KLRG1: variants seen among roughly 807,000 people sequenced by gnomAD.
KLRG1 encodes the protein killer cell lectin like receptor G1, also known as killer cell lectin-like receptor subfamily G member 1.
A neutral mutation model predicts 21.8 loss-of-function variants in KLRG1; 16 were observed. The ratio of observed to expected loss-of-function variants is 0.73; its 90% confidence interval spans 0.50 to 1.11. KLRG1 has a LOEUF of 1.11. Ranked by LOEUF, KLRG1 falls within the 50% of genes most tolerant of loss-of-function variation. The probability of loss-of-function intolerance (pLI) is 0.00; values close to 1 mark genes in which losing one functional copy is unlikely to be tolerated. For synonymous variants in KLRG1, 69 were observed against 75.9 expected (o/e 0.91, Z 0.47); for missense variants, 173 against 218.3 (o/e 0.79, Z 1.31).
chr12:9,197,532 ATTAT>A, the KLRG1 span, among the ~76,000 whole-genome samples: 1 of 124,752 alleles, frequency 8.0e-6, no homozygotes, highest in East Asian at 2.1e-4. Flanking sequence ...ATAATTATTA[ATTAT>A]TAGAGTACTG....
At chr12:9,116,726 T>C in the KLRG1 span, among the ~76,000 whole-genome samples, 95 of 152,304 alleles carry the variant, frequency 6.2e-4, 1 homozygote, top group East Asian at 0.017. Context: ...GCTTTGTAAG[T>C]ATTTTTTGAT....
chr12:9,000,134 T>C (rs1947262098), intron 3 of KLRG1, among the ~76,000 whole-genome samples: 1 of 152,218 alleles, frequency 6.6e-6, no homozygotes, highest in Non-Finnish European at 1.5e-5. Flanking sequence ...CAGTAAAATA[T>C]GCATCACAGA....
chr12:9,048,661 C>T, the KLRG1 span, among the ~76,000 whole-genome samples: 1 of 152,154 alleles, frequency 6.6e-6, no homozygotes, highest in African/African-American at 2.4e-5. Context: ...ATTCAACACT[C>T]ATTCTGGATA....
the KLRG1 span, chr12:9,157,819 G>T: frequency 6.2e-7 from 1 of 1,614,046 alleles, no homozygotes; most frequent in Middle Eastern, 1.6e-4. Context: ...GGCGGAGAGG[G>T]TCGCTTCATC....
the KLRG1 span, chr12:9,098,297 G>A: frequency 1.3e-5 from 2 of 159,726 alleles, no homozygotes; most frequent in Admixed American, 1.3e-4. Flanking sequence ...TCTTGAGCAA[G>A]AAGCTTAACG....
chr12:9,137,331 T>C, the KLRG1 span, among the ~76,000 whole-genome samples: 51 of 152,176 alleles, frequency 3.4e-4, no homozygotes, highest in African/African-American at 1.2e-3. Flanking sequence ...CAAAGACCAG[T>C]TGACCTTTTA....
chr12:9,160,771 C>T, the KLRG1 span, among the ~76,000 whole-genome samples: 11 of 151,948 alleles, frequency 7.2e-5, no homozygotes, highest in South Asian at 2.1e-4. Context: ...AAAAATTAGC[C>T]GGGCGTGGTG....
chr12:9,081,327 G>A, the KLRG1 span, among the ~76,000 whole-genome samples: 11 of 152,020 alleles, frequency 7.2e-5, no homozygotes, highest in African/African-American at 2.4e-4. Context: ...AACTTTGATG[G>A]TAACAGATGA....
the KLRG1 span, among the ~76,000 whole-genome samples, chr12:9,127,210 T>A: frequency 6.6e-6 from 1 of 152,236 alleles, no homozygotes; most frequent in African/African-American, 2.4e-5. Context: ...TCTGGGTTGT[T>A]CTGTCTAGAA....
At chr12:9,056,180 C>T in the KLRG1 span, among the ~76,000 whole-genome samples, 1 of 152,124 alleles carries the variant, frequency 6.6e-6, no homozygotes, top group African/African-American at 2.4e-5. Context: ...AGAATGGGAG[C>T]TTCAACGGGA....
At chr12:8,997,855 C>T (rs1288179459) in intron 3 of KLRG1, among the ~76,000 whole-genome samples, 1 of 151,868 alleles carries the variant, frequency 6.6e-6, no homozygotes, top group South Asian at 2.1e-4. Flanking sequence ...GGCACAATCT[C>T]GGCTCACTGC....
chr12:8,966,190 A>T (rs1946468849), intron 1 of KLRG1, among the ~76,000 whole-genome samples: 1 of 152,254 alleles, frequency 6.6e-6, no homozygotes, highest in South Asian at 2.1e-4. Flanking sequence ...AATTAATTCA[A>T]GATGGATTAA....
chr12:9,135,027 C>T, the KLRG1 span: 12 of 160,604 alleles, frequency 7.5e-5, no homozygotes, highest in African/African-American at 2.9e-4. Flanking sequence ...GCAGCGCAGC[C>T]GAGCCCCGGC....
the KLRG1 span, among the ~76,000 whole-genome samples, chr12:9,124,321 C>T: frequency 2.6e-5 from 4 of 152,140 alleles, no homozygotes; most frequent in Non-Finnish European, 5.9e-5. Flanking sequence ...GCCAGAGCTC[C>T]CCGGTGCCGC....
At chr12:8,958,732 C>T (rs984543475) in intron 1 of KLRG1, among the ~76,000 whole-genome samples, 2 of 152,084 alleles carry the variant, frequency 1.3e-5, no homozygotes, top group Non-Finnish European at 2.9e-5. Context: ...TGGCTTGTGC[C>T]TATGGTCCCA....
the KLRG1 span, chr12:9,058,072 T>G: frequency 6.6e-5 from 10 of 152,216 alleles, no homozygotes; most frequent in Non-Finnish European, 1.0e-4. Context: ...ATATTAATAT[T>G]AATATTTCCA....
chr12:9,031,424 G>C, the KLRG1 span, among the ~76,000 whole-genome samples: 2 of 152,130 alleles, frequency 1.3e-5, no homozygotes, highest in Non-Finnish European at 2.9e-5. Context: ...GGACTTACCC[G>C]TTCCACCGGG....
At chr12:9,201,337 A>G in the KLRG1 span, 130 of 1,556,204 alleles carry the variant, frequency 8.4e-5, 1 homozygote, top group East Asian at 1.9e-3. Context: ...CTCAAGGTAT[A>G]TCAGTGGAAT....
chr12:8,970,496 A>G (rs1030485321), intron 1 of KLRG1: 2 of 152,242 alleles, frequency 1.3e-5, no homozygotes, highest in African/African-American at 4.8e-5. Flanking sequence ...TTTTCCCACA[A>G]TGAAAGCTTT....
Sources: allele counts gnomAD v4.1 joint callset (sites outside exome capture counted in the v4.1 genomes callset), GRCh38; gene constraint gnomAD v4.1.1; transcripts MANE v1.5; gene names NCBI Gene and HGNC (gene_info 2026-07-23, HGNC 2026-07-21).